The following CDH13 variants were observed in gnomAD, a reference collection of about 807,000 sequenced individuals.
CDH13 encodes cadherin 13.
Under a neutral mutation model 63.8 loss-of-function variants are expected in CDH13, and 24 were observed. The ratio of observed to expected loss-of-function variants is 0.38; its 90% CI spans 0.27 to 0.53. CDH13 has a LOEUF of 0.53. Among genes scored for constraint, CDH13 ranks in the 20% least tolerant of loss-of-function variants. The pLI is 0.85. For missense variants in CDH13, 1,049 were observed against 903.1 expected (o/e 1.16, Z -2.07); for synonymous variants, 503 against 355.3 (o/e 1.42, Z -4.67).
chr16:83,524,804 T>G (rs1269403515), intron 7 of CDH13, among the ~76,000 whole-genome samples: 1 of 152,116 alleles, frequency 6.6e-6, no homozygotes, highest in Non-Finnish European at 1.5e-5. Flanking sequence ...TTGGCAAACC[T>G]GTAGCACTGA....
At chr16:83,549,737 G>C (rs2075456169) in intron 7 of CDH13, among the ~76,000 whole-genome samples, 1 of 151,882 alleles carries the variant, frequency 6.6e-6, no homozygotes, top group Non-Finnish European at 1.5e-5. Context: ...TCCAATAAGA[G>C]AAAGGCAAAG....
chr16:83,357,385 G>A (rs185252968), intron 6 of CDH13, among the ~76,000 whole-genome samples: 6 of 152,044 alleles, frequency 3.9e-5, no homozygotes, highest in Non-Finnish European at 5.9e-5. Context: ...AATCAGCTTC[G>A]GTCTGTGATG....
chr16:83,566,546 AG>A (rs2150697461), intron 7 of CDH13, among the ~76,000 whole-genome samples: 1 of 152,052 alleles, frequency 6.6e-6, no homozygotes, highest in East Asian at 1.9e-4. Context: ...CTCTCCATCC[AG>A]GTGCAGCAAG....
intron 7 of CDH13, among the ~76,000 whole-genome samples, chr16:83,540,955 C>G (rs1394105196): frequency 1.3e-5 from 2 of 152,256 alleles, no homozygotes; most frequent in Non-Finnish European, 1.5e-5. Flanking sequence ...ATTTTTATAT[C>G]CATGATGCCA....
chr16:82,715,075 G>A (rs1233889333), intron 1 of CDH13, among the ~76,000 whole-genome samples: 2 of 148,486 alleles, frequency 1.3e-5, no homozygotes, highest in Non-Finnish European at 3.0e-5. Flanking sequence ...CTGGCTTGGG[G>A]CAGCACTGGG....
intron 5 of CDH13, among the ~76,000 whole-genome samples, chr16:83,296,898 T>A (rs902356238): frequency 6.6e-6 from 1 of 152,168 alleles, no homozygotes; most frequent in Admixed American, 6.5e-5. Context: ...AGTTTCATGA[T>A]GGATTGGCAT....
At chr16:83,277,555 C>T (rs113048641) in intron 5 of CDH13, among the ~76,000 whole-genome samples, 3,334 of 152,212 alleles carry the variant, frequency 0.022, 125 homozygotes, top group African/African-American at 0.072. Context: ...GAGGTCAAGA[C>T]TATTTTCATA....
At chr16:83,071,616 A>G (rs142780406) in intron 3 of CDH13, among the ~76,000 whole-genome samples, 7 of 152,344 alleles carry the variant, frequency 4.6e-5, no homozygotes, top group Non-Finnish European at 7.3e-5. Flanking sequence ...TGGAAAACTA[A>G]TAATTCATGA....
rs189433143 is a variant in CDH13 at position 83,566,587 on chromosome 16, G to A, written c.961-35867G>A. Among the ~76,000 whole-genome samples, 190 of 152,114 alleles carry A rather than the reference G, an allele frequency of 1.2e-3. 2 individuals carry two copies. The highest frequency in any genetic ancestry group is 4.0e-3 in the African/African-American group (164 of 41,502). On this transcript the variant is annotated intron_variant, in intron 7 of 13. Coordinates refer to ENST00000567109, the MANE Select transcript of CDH13 (RefSeq NM_001257.5). Reference sequence around the variant, plus strand: ...TTTGTGCTTCCTGTTCCCTGGACCCGCCCAAGCCCTGAGCAGGCATGGGTT... The same window carrying A: ...TTTGTGCTTCCTGTTCCCTGGACCCACCCAAGCCCTGAGCAGGCATGGGTT...
intron 2 of CDH13, among the ~76,000 whole-genome samples, chr16:83,015,970 C>G (rs1208549490): frequency 6.6e-6 from 1 of 151,782 alleles, no homozygotes; most frequent in Non-Finnish European, 1.5e-5. Context: ...GCTGCATTGG[C>G]TTTTACTTCT....
At chr16:82,848,960 C>T (rs758044332) in intron 1 of CDH13, among the ~76,000 whole-genome samples, 1 of 152,246 alleles carries the variant, frequency 6.6e-6, no homozygotes, top group South Asian at 2.1e-4. Context: ...AGGTGCTACT[C>T]CACTGAACAT....
intron 10 of CDH13, among the ~76,000 whole-genome samples, chr16:83,682,426 G>T (rs1915483818): frequency 6.6e-6 from 1 of 152,252 alleles, no homozygotes; most frequent in Non-Finnish European, 1.5e-5. Context: ...TCCACCCAGG[G>T]CTGTGTTTTT....
rs999253713 is a variant in CDH13, at chr16:83,051,908, C to G, written c.366+19690C>G. Among the ~76,000 whole-genome samples the G allele has an allele frequency of 7.9e-5, 12 of 152,210 alleles. No homozygotes were observed. The East Asian group carries it at 2.3e-3, about 29-fold the overall frequency. The stretch of plus-strand genomic sequence containing the variant: ...TCTTTCTTTCCTTGATTTATTTGGA[C>G]TATGGTTTCTTTGGCCAACCATTTA... On this transcript the variant is annotated intron_variant, in intron 3 of 13. Coordinates refer to ENST00000567109, the MANE Select transcript of CDH13 (RefSeq NM_001257.5).
chr16:83,470,278 A>T (rs891606693), intron 6 of CDH13, among the ~76,000 whole-genome samples: 4 of 152,104 alleles, frequency 2.6e-5, no homozygotes, highest in African/African-American at 9.7e-5. Flanking sequence ...GCTAGTCTCG[A>T]ACTCCTGAGC....
rs75569599 is a variant in CDH13, at chr16:82,955,533, T to G, written c.158-76477T>G. Reference sequence around the variant, plus strand: ...TCAGAAACATTTTTGGCCTGCAGTTTCTAAGTAGCCAGATTTTAAAGCATA... The same window carrying G: ...TCAGAAACATTTTTGGCCTGCAGTTGCTAAGTAGCCAGATTTTAAAGCATA... On this transcript the variant is annotated intron_variant, in intron 2 of 13. Transcript: ENST00000567109. Among the ~76,000 whole-genome samples the G allele has an allele frequency of 5.3e-5, 8 of 152,340 alleles. No homozygotes were observed. The East Asian group carries it at 1.5e-3, about 29-fold the overall frequency.
intron 1 of CDH13, among the ~76,000 whole-genome samples, chr16:82,779,651 G>T (rs189447726): frequency 9.8e-4 from 150 of 152,320 alleles, no homozygotes; most frequent in African/African-American, 3.5e-3. Context: ...GTAACCGACA[G>T]CTCTCCTTGG....
intron 1 of CDH13, among the ~76,000 whole-genome samples, chr16:82,854,047 G>C (rs1010041924): frequency 1.3e-5 from 2 of 152,148 alleles, no homozygotes; most frequent in African/African-American, 2.4e-5. Context: ...GAATGAAATT[G>C]AAGAGCGGAT....
At chr16:83,272,170 G>A (rs2088842453) in intron 5 of CDH13, among the ~76,000 whole-genome samples, 1 of 152,200 alleles carries the variant, frequency 6.6e-6, no homozygotes. Context: ...CAAATAAGAT[G>A]AAGTCTCCAG....
intron 1 of CDH13, chr16:82,705,307 T>A: frequency 2.7e-6 from 1 of 364,570 alleles, no homozygotes; most frequent in Non-Finnish European, 5.4e-6. Context: ...ACTTAAGATC[T>A]GATTTCTTCT....
Sources: allele counts gnomAD v4.1 joint callset (sites outside exome capture counted in the v4.1 genomes callset), GRCh38; gene constraint gnomAD v4.1.1; transcripts MANE v1.5; gene names NCBI Gene and HGNC (gene_info 2026-07-23, HGNC 2026-07-21).